WWC2: variants seen among roughly 807,000 people sequenced by gnomAD.
WWC2 encodes protein WWC2.
In WWC2, 101 loss-of-function variants were observed where a neutral mutation model predicts 138.5. The observed-to-expected ratio is 0.73, with a 90% CI of 0.62 to 0.86. The LOEUF (loss-of-function observed/expected upper bound fraction) is 0.86. WWC2 is among the 40% of genes least tolerant of loss of function. The pLI is 0.00. For synonymous variants in WWC2, 558 were observed against 538.4 expected, an observed-to-expected ratio of 1.04 and a Z score of -0.50; for missense variants, 1,420 against 1,419.4, an observed-to-expected ratio of 1.00 and a Z score of -0.01.
intron 6 of WWC2, among the ~76,000 whole-genome samples, chr4:183,247,510 ATACAC>A (rs1278206610): frequency 4.8e-4 from 68 of 140,274 alleles, no homozygotes; most frequent in African/African-American, 1.8e-3. Flanking sequence ...TATACTATAT[ATACAC>A]TATACTATAT....
chr4:183,174,629 T>C (rs1734403495), intron 1 of WWC2, among the ~76,000 whole-genome samples: 1 of 152,228 alleles, frequency 6.6e-6, no homozygotes, highest in Admixed American at 6.5e-5. Flanking sequence ...AGTTCTTTAA[T>C]AATGAATTTT....
chr4:183,101,063 C>G (rs769338098), intron 1 of WWC2, among the ~76,000 whole-genome samples: 1 of 152,168 alleles, frequency 6.6e-6, no homozygotes, highest in Admixed American at 6.5e-5. Flanking sequence ...CACCCAACTG[C>G]GGCTTTTAAG....
At chr4:183,250,951 A>G (rs950183414) in intron 8 of WWC2, among the ~76,000 whole-genome samples, 19 of 152,194 alleles carry the variant, frequency 1.2e-4, no homozygotes, top group Non-Finnish European at 8.8e-5. Context: ...ACAAAGTAAA[A>G]TAAATACAAT....
intron 5 of WWC2, 130 bp downstream of exon 5, chr4:183,240,392 C>A: frequency 1.6e-6 from 1 of 617,776 alleles, no homozygotes; most frequent in Non-Finnish European, 2.6e-6. Flanking sequence ...CAGAGCTCTA[C>A]ACCAAAAGAA....
chr4:183,170,212 G>A (rs1272518281), intron 1 of WWC2, among the ~76,000 whole-genome samples: 1 of 152,182 alleles, frequency 6.6e-6, no homozygotes, highest in Admixed American at 6.5e-5. Context: ...GTAGAAAATA[G>A]CGGGTCATGC....
At chr4:183,153,697 G>A (rs1434876323) in intron 1 of WWC2, among the ~76,000 whole-genome samples, 1 of 146,378 alleles carries the variant, frequency 6.8e-6, no homozygotes, top group African/African-American at 2.6e-5. Context: ...CCAGGTTGGA[G>A]TGCAGTGGCG....
intron 21 of WWC2, among the ~76,000 whole-genome samples, chr4:183,307,706 G>A (rs1739068117): frequency 6.6e-6 from 1 of 152,056 alleles, no homozygotes; most frequent in African/African-American, 2.4e-5. Context: ...AGCAAACTAG[G>A]AATAAAAGGG....
In WWC2 at chr4:183,289,540, C is replaced by G; in HGVS notation, c.3289C>G (p.Leu1097Val). The change falls in exon 21 of 23, where the codon CTG becomes GTG. Residue 1097 changes from leucine to valine, a missense_variant. Coordinates refer to ENST00000403733, the MANE Select transcript of WWC2 (RefSeq NM_024949.6). ...LQALRDLRQK[L>V]EELKAQGETD... is the part of the protein sequence containing the mutation. ...GGCGCTGAGGGACTTGCGGCAGAAG[C>G]TGGAGGAACTGAAAGCTCAGGGAGA... 1 of 1,613,942 alleles carries G rather than the reference C, an allele frequency of 6.2e-7. No homozygotes were observed.
At position 183,209,008 on chromosome 4, in the gene WWC2, T is replaced by C. The variant is rs1735521504; in HGVS notation, c.505T>C (p.Ser169Pro). ...YDPDILKAEI[S>P]TTRLRVKKLK... Reference sequence around the variant, plus strand: ...TCCCGATATTTTAAAAGCTGAGATCTCCACTACAAGATTAAGGGTAAGAAG... The same window carrying C: ...TCCCGATATTTTAAAAGCTGAGATCCCCACTACAAGATTAAGGGTAAGAAG... The change falls in exon 4 of 23, where the codon TCC becomes CCC. Residue 169 changes from serine to proline, a missense_variant. Physicochemically the swap from Ser to Pro is moderately conservative, Grantham distance 74. Coordinates refer to ENST00000403733, the MANE Select transcript of WWC2 (RefSeq NM_024949.6). 3.8e-6 allele frequency: 6 copies of C among 1,571,670 alleles called. No individual in the cohort carries two copies. Among genetic ancestry groups the C allele is most frequent in the Non-Finnish European group, 5.2e-6 (6 of 1,155,766 alleles).
intron 17 of WWC2, among the ~76,000 whole-genome samples, chr4:183,282,129 A>G (rs1738096065): frequency 6.6e-6 from 1 of 152,206 alleles, no homozygotes; most frequent in Non-Finnish European, 1.5e-5. Flanking sequence ...CCTGCTTTAT[A>G]TATTCCATAT....
intron 17 of WWC2, among the ~76,000 whole-genome samples, chr4:183,282,422 A>G (rs931318541): frequency 6.6e-6 from 1 of 152,362 alleles, no homozygotes; most frequent in East Asian, 1.9e-4. Flanking sequence ...ATTAAACTCT[A>G]TAATGTGATT....
In WWC2 at chr4:183,236,242, T is replaced by C. The variant is rs144580571; in HGVS notation, c.523-3941T>C. Among the ~76,000 whole-genome samples the C allele has an allele frequency of 5.6e-3, 849 of 152,328 alleles. 15 individuals carry two copies. The highest frequency in any genetic ancestry group is 0.019 in the African/African-American group (796 of 41,574). ...CAGTTGTGTGCTGTTTTGGTTACTATACCTCTGTTGTATAATTTTGAAAAA... is the reference window on the plus strand; with the variant it reads ...CAGTTGTGTGCTGTTTTGGTTACTACACCTCTGTTGTATAATTTTGAAAAA... On this transcript the variant is annotated intron_variant, in intron 4 of 22. Transcript: ENST00000403733.
intron 4 of WWC2, among the ~76,000 whole-genome samples, chr4:183,227,639 A>G (rs1027114537): frequency 6.6e-6 from 1 of 152,118 alleles, no homozygotes; most frequent in African/African-American, 2.4e-5. Context: ...CTACAAATTA[A>G]TCACGTAATG....
chr4:183,175,760 G>C (rs2111172475), intron 1 of WWC2, among the ~76,000 whole-genome samples: 1 of 152,304 alleles, frequency 6.6e-6, no homozygotes, highest in South Asian at 2.1e-4. Flanking sequence ...ATGAGGCCCT[G>C]ATAAGGAGAT....
chr4:183,278,327 A>G (rs1384793830), intron 16 of WWC2, among the ~76,000 whole-genome samples: 4 of 151,912 alleles, frequency 2.6e-5, no homozygotes, highest in African/African-American at 4.8e-5. Context: ...GTTCTGTTCC[A>G]TTGATCTATA....
chr4:183,168,400 C>G (rs372643245), intron 1 of WWC2, among the ~76,000 whole-genome samples: 4 of 151,992 alleles, frequency 2.6e-5, no homozygotes, highest in African/African-American at 9.7e-5. Flanking sequence ...AGTTTTAGAC[C>G]ATGAATTGAC....
intron 3 of WWC2, 62 bp downstream of exon 3, chr4:183,208,218 C>A: frequency 2.0e-6 from 3 of 1,533,336 alleles, no homozygotes; most frequent in Non-Finnish European, 2.7e-6. Context: ...TAACAGAAGA[C>A]CACTTACATT....
intron 1 of WWC2, among the ~76,000 whole-genome samples, chr4:183,189,297 C>T (rs866696963): frequency 1.3e-5 from 2 of 151,764 alleles, no homozygotes; most frequent in African/African-American, 4.8e-5. Context: ...ATTAGCCAGG[C>T]GTGGTGGCGG....
chr4:183,274,766 G>T (rs1174221931), intron 16 of WWC2, among the ~76,000 whole-genome samples: 1 of 152,042 alleles, frequency 6.6e-6, no homozygotes, highest in Non-Finnish European at 1.5e-5. Context: ...AGTTATATCA[G>T]ATATTTAATC....
Sources: gnomAD v4.1 joint callset for allele counts (sites outside exome capture counted in the v4.1 genomes callset) on GRCh38, gnomAD v4.1.1 for gene constraint, MANE v1.5 for transcripts, NCBI Gene and HGNC (gene_info 2026-07-23, HGNC 2026-07-21) for gene names.